Variants in SYCP2 observed in about 807,000 individuals in gnomAD.
The protein encoded by SYCP2 is synaptonemal complex protein 2.
SYCP2 carries 55 observed loss-of-function variants against 211.3 expected under a neutral mutation model. The ratio of observed to expected loss-of-function variants is 0.26; its 90% confidence interval spans 0.21 to 0.33. The LOEUF is 0.33. Ranked by LOEUF, SYCP2 falls within the 10% of genes least tolerant of loss-of-function variation. SYCP2 has a pLI of 1.00. For synonymous variants in SYCP2, 570 were observed against 555.2 expected (o/e 1.03, Z -0.37); for missense variants, 1,731 against 1,752.0 (o/e 0.99, Z 0.21).
chr20:59,880,908 CATTAAAA>C, intron 30 of SYCP2, 51 bp downstream of exon 30: 1 of 794,460 alleles, frequency 1.3e-6, no homozygotes, highest in Middle Eastern at 2.6e-4. Context: ...TAATCTTTAA[CATTAAAA>C]ATTAAGAGAA....
chr20:59,876,430 G>C (rs2059561965), intron 33 of SYCP2, among the ~76,000 whole-genome samples: 1 of 109,708 alleles, frequency 9.1e-6, no homozygotes, highest in African/African-American at 3.3e-5. Flanking sequence ...GATAGAAAAT[G>C]TAGACCTAAG....
intron 18 of SYCP2, 126 bp from the exon 19 acceptor site, chr20:59,896,654 C>T: frequency 1.8e-6 from 1 of 560,882 alleles, no homozygotes; most frequent in South Asian, 2.5e-5. Flanking sequence ...ATAAACAACA[C>T]AATATTCATA....
intron 6 of SYCP2, 153 bp from the exon 7 acceptor site, chr20:59,919,335 T>C: frequency 1.5e-6 from 1 of 675,034 alleles, no homozygotes; most frequent in South Asian, 1.9e-5. Context: ...TAATTATATT[T>C]ACCAGAATAA....
chr20:59,909,316 T>C (rs2060272256), intron 14 of SYCP2, among the ~76,000 whole-genome samples: 5 of 152,234 alleles, frequency 3.3e-5, no homozygotes. Flanking sequence ...TCCTTCTTTT[T>C]AAAAAATTAC....
intron 24 of SYCP2, among the ~76,000 whole-genome samples, chr20:59,887,737 G>A (rs1477668497): frequency 6.6e-6 from 1 of 151,738 alleles, no homozygotes; most frequent in Non-Finnish European, 1.5e-5. Flanking sequence ...CTGAAAAAAG[G>A]AGAAACCATT....
chr20:59,899,784 A>T (rs1310306261), intron 18 of SYCP2, among the ~76,000 whole-genome samples: 5 of 144,828 alleles, frequency 3.5e-5, no homozygotes, highest in Non-Finnish European at 7.4e-5. Context: ...AGAACCTCAT[A>T]CTTTTTTTTT....
intron 14 of SYCP2, among the ~76,000 whole-genome samples, chr20:59,910,070 T>C (rs1321027509): frequency 1.3e-5 from 2 of 151,902 alleles, no homozygotes; most frequent in East Asian, 3.9e-4. Flanking sequence ...TCATAGAAAA[T>C]ATATGAAATA....
intron 24 of SYCP2, among the ~76,000 whole-genome samples, chr20:59,889,779 C>T (rs944299043): frequency 6.6e-6 from 1 of 152,012 alleles, no homozygotes; most frequent in Non-Finnish European, 1.5e-5. Context: ...ATCTGTGCCA[C>T]TGAACTACCA....
chr20:59,919,872 A>G (rs954288729), intron 5 of SYCP2, among the ~76,000 whole-genome samples: 3 of 151,608 alleles, frequency 2.0e-5, no homozygotes, highest in African/African-American at 7.2e-5. Context: ...TACGTTTATT[A>G]TAATAGAAGG....
chr20:59,879,862 T>TACACAC (rs1236840424), intron 31 of SYCP2, among the ~76,000 whole-genome samples: 31 of 116,010 alleles, frequency 2.7e-4, no homozygotes, highest in African/African-American at 1.0e-3. Flanking sequence ...TATATATATA[T>TACACAC]ACACACACAC....
intron 2 of SYCP2, among the ~76,000 whole-genome samples, chr20:59,924,185 T>C (rs1278141555): frequency 1.3e-5 from 2 of 151,888 alleles, no homozygotes; most frequent in Non-Finnish European, 2.9e-5. Flanking sequence ...ACAACCAAAC[T>C]TTGTTAAACC....
chr20:59,900,777 C>T lies in SYCP2; in HGVS notation c.1224G>A (p.Ser408=), dbSNP rs371269578. Residue 408 remains serine, a synonymous_variant, in exon 17 of 45, where the codon TCG becomes TCA. Coordinates refer to ENST00000357552, the MANE Select transcript of SYCP2 (RefSeq NM_014258.4). Reference sequence around the variant, plus strand: ...CACTTGCGTCAAAAAGTATATGCAGCGACGTTTTGGCAACTGAAATACCTT... The same window carrying T: ...CACTTGCGTCAAAAAGTATATGCAGTGACGTTTTGGCAACTGAAATACCTT... The part of the protein sequence containing the change: ...RKQGISVAKT[S]LHILFDASGS... 1.8e-5 allele frequency: 29 copies of T among 1,612,624 alleles called. No homozygotes were observed. Among genetic ancestry groups the T allele is most frequent in the South Asian group, 3.3e-5 (3 of 90,988 alleles).
Position 59,922,380 on chromosome 20 carries a change from G to T in SYCP2, c.24+10C>A. ...ATGAAAATACTTACTTTTGGTCTAG[G>T]ACTACATACCTGGAGATCTGGTCTT... On this transcript the variant is annotated intron_variant, in intron 3 of 44. Coordinates refer to ENST00000357552, the MANE Select transcript of SYCP2 (RefSeq NM_014258.4). The T allele has an allele frequency of 6.4e-7, 1 of 1,566,968 alleles. No individual in the cohort carries two copies. The highest frequency in any genetic ancestry group is 2.3e-5 in the East Asian group (1 of 43,866).
At chr20:59,912,291 C>A in intron 13 of SYCP2, 82 bp downstream of exon 13, 1 of 608,082 alleles carries the variant, frequency 1.6e-6, no homozygotes, top group South Asian at 1.8e-5. Flanking sequence ...TTTTAGTGTT[C>A]TTATTCATTT....
At chr20:59,884,108 T>A (rs1474348742) in intron 26 of SYCP2, among the ~76,000 whole-genome samples, 5 of 152,128 alleles carry the variant, frequency 3.3e-5, no homozygotes, top group African/African-American at 1.2e-4. Flanking sequence ...GACATTGTTG[T>A]ACGTAAATAA....
chr20:59,907,867 T>C (rs1430634326), intron 14 of SYCP2, among the ~76,000 whole-genome samples: 1 of 152,216 alleles, frequency 6.6e-6, no homozygotes, highest in Non-Finnish European at 1.5e-5. Context: ...GCATGAATAA[T>C]AACCTAAAAT....
rs751744599 is a variant in SYCP2 at position 59,892,593 on chromosome 20, A to C, written c.1902T>G (p.Thr634=). Residue 634 remains threonine, a synonymous_variant, in exon 23 of 45, where the codon ACT becomes ACG. Coordinates refer to ENST00000357552, the MANE Select transcript of SYCP2 (RefSeq NM_014258.4). ...IELCNNQRAS[T]SSGDTLNQDI... ...CTTGATTCAATGTGTCTCCTGACGA[A>C]GTACTTGCTCTTTGGTTATTACATA... is the stretch of plus-strand genomic sequence containing the variant. The C allele has an allele frequency of 6.2e-7, 1 of 1,607,962 alleles. No individual in the cohort carries two copies. The highest frequency in any genetic ancestry group is 1.1e-5 in the South Asian group (1 of 89,732).
At chr20:59,928,285 T>C (rs950373080) in intron 2 of SYCP2, among the ~76,000 whole-genome samples, 6 of 152,298 alleles carry the variant, frequency 3.9e-5, no homozygotes, top group African/African-American at 1.4e-4. Flanking sequence ...TATAAATAAC[T>C]AAAATGAATA....
intron 15 of SYCP2, 78 bp downstream of exon 15, chr20:59,907,286 G>A: frequency 1.1e-6 from 1 of 932,828 alleles, no homozygotes; most frequent in Non-Finnish European, 1.7e-6. Flanking sequence ...AGTCTGTTTT[G>A]TTAACCCAGA....
Sources: gnomAD v4.1 joint callset for allele counts (sites outside exome capture counted in the v4.1 genomes callset) on GRCh38, gnomAD v4.1.1 for gene constraint, MANE v1.5 for transcripts, NCBI Gene and HGNC (gene_info 2026-07-23, HGNC 2026-07-21) for gene names.